The following ARSB variants were observed in gnomAD, a reference collection of about 807,000 sequenced individuals.
ARSB encodes the protein arylsulfatase B, also known as N-acetylgalactosamine-4-sulfatase.
Under a neutral mutation model 50.9 loss-of-function variants are expected in ARSB, and 41 were observed. The observed-to-expected ratio is 0.81, with a 90% confidence interval of 0.63 to 1.04. ARSB has a LOEUF of 1.04. Ranked by LOEUF, ARSB falls within the 50% of genes least tolerant of loss-of-function variation. The pLI is 0.00. For missense variants in ARSB, 672 were observed against 693.3 expected, an observed-to-expected ratio of 0.97 and a Z score of 0.35; for synonymous variants, 269 against 284.8, an observed-to-expected ratio of 0.94 and a Z score of 0.56.
chr5:78,780,615 T>C lies in ARSB; in HGVS notation c.1384A>G (p.Ile462Val). Residue 462 changes from isoleucine to valine, a missense_variant, in exon 8 of 8, where the codon ATA becomes GTA. Physicochemically the swap from Ile to Val is conservative, Grantham distance 29. Coordinates refer to ENST00000264914, the MANE Select transcript of ARSB (RefSeq NM_000046.5). Reference sequence around the variant, plus strand: ...TTGGTTGGTGGGTCTGATGAGGGTATCTCAGAAACATTGTATTGAGACGGT... The same window carrying C: ...TTGGTTGGTGGGTCTGATGAGGGTACCTCAGAAACATTGTATTGAGACGGT... ...PPPSQYNVSE[I>V]PSSDPPTKTL... is the part of the protein sequence containing the mutation. The C allele has an allele frequency of 6.2e-7, 1 of 1,614,130 alleles. No homozygotes were observed. The highest frequency in any genetic ancestry group is 1.7e-5 in the Admixed American group (1 of 60,006).
intron 4 of ARSB, among the ~76,000 whole-genome samples, chr5:78,901,522 G>C (rs1748804093): frequency 6.6e-6 from 1 of 151,988 alleles, no homozygotes; most frequent in African/African-American, 2.4e-5. Context: ...TTTTTAGCAA[G>C]GGTGCCAAAC....
intron 4 of ARSB, among the ~76,000 whole-genome samples, chr5:78,913,063 T>C (rs1176793450): frequency 4.0e-5 from 6 of 151,654 alleles, no homozygotes; most frequent in Non-Finnish European, 8.8e-5. Flanking sequence ...ACCAGTCCTA[T>C]CCCTAACAGC....
At chr5:78,783,038 G>A (rs1475149766) in intron 6 of ARSB, among the ~76,000 whole-genome samples, 2 of 152,080 alleles carry the variant, frequency 1.3e-5, no homozygotes, top group East Asian at 3.9e-4. Flanking sequence ...GACCCTGGTG[G>A]GTCCACAAGG....
intron 6 of ARSB, among the ~76,000 whole-genome samples, chr5:78,792,057 C>G (rs1749251360): frequency 1.3e-5 from 2 of 151,950 alleles, no homozygotes; most frequent in Admixed American, 1.3e-4. Context: ...TGCAAGAAAA[C>G]TCATAATGTT....
rs544052927 is a variant in ARSB, at chr5:78,788,316, C to T, written c.1214-6342G>A. ...GACTGATGAAATATGTTACATAATACGTAGTAAACTTACAGCACTCCTTAT... is the reference window on the plus strand; with the variant it reads ...GACTGATGAAATATGTTACATAATATGTAGTAAACTTACAGCACTCCTTAT... On this transcript the variant is annotated intron_variant, in intron 6 of 7. Transcript: ENST00000264914. 1.3e-4 allele frequency among the ~76,000 whole-genome samples: 20 copies of T among 152,264 alleles called. No homozygotes were observed. The East Asian group carries it at 2.1e-3, about 16-fold the overall frequency.
intron 5 of ARSB, among the ~76,000 whole-genome samples, chr5:78,874,406 T>G (rs2112167122): frequency 6.6e-6 from 1 of 152,266 alleles, no homozygotes; most frequent in African/African-American, 2.4e-5. Context: ...GAATGAAAAG[T>G]TACATAAGTT....
intron 5 of ARSB, among the ~76,000 whole-genome samples, chr5:78,854,981 C>T (rs1197615472): frequency 6.6e-6 from 1 of 152,046 alleles, no homozygotes; most frequent in Non-Finnish European, 1.5e-5. Context: ...TTATTTGGGC[C>T]CTGGAAGACA....
intron 4 of ARSB, among the ~76,000 whole-genome samples, chr5:78,895,517 A>C (rs944790168): frequency 2.0e-5 from 3 of 152,246 alleles, no homozygotes; most frequent in African/African-American, 7.2e-5. Context: ...CTACAGCAAT[A>C]CAATGTGCCT....
intron 1 of ARSB, 130 bp downstream of exon 1, chr5:78,984,807 G>C: frequency 1.5e-6 from 1 of 674,530 alleles, no homozygotes; most frequent in Non-Finnish European, 2.0e-6. Context: ...GAAGCCGCCG[G>C]GACCCATAAC....
chr5:78,858,679 C>T (rs933517584), intron 5 of ARSB, among the ~76,000 whole-genome samples: 7 of 152,190 alleles, frequency 4.6e-5, no homozygotes, highest in Non-Finnish European at 8.8e-5. Flanking sequence ...AATGACAATA[C>T]TTTCTGAGAA....
At chr5:78,932,706 T>C (rs959729249) in intron 4 of ARSB, among the ~76,000 whole-genome samples, 6 of 152,232 alleles carry the variant, frequency 3.9e-5, no homozygotes, top group Non-Finnish European at 7.3e-5. Context: ...TTGGGGATAA[T>C]AGTAGTACCT....
At chr5:78,976,381 A>G (rs1197813389) in intron 1 of ARSB, among the ~76,000 whole-genome samples, 1 of 136,676 alleles carries the variant, frequency 7.3e-6, no homozygotes, top group Non-Finnish European at 1.5e-5. Flanking sequence ...CTGCCTCCCC[A>G]GGCTCAAGCG....
intron 6 of ARSB, among the ~76,000 whole-genome samples, chr5:78,833,373 A>G (rs925375948): frequency 6.6e-5 from 10 of 152,228 alleles, no homozygotes; most frequent in Non-Finnish European, 1.5e-4. Flanking sequence ...GGAATAAATA[A>G]TTCTTAGGAG....
At chr5:78,813,944 G>A (rs2112662543) in intron 6 of ARSB, among the ~76,000 whole-genome samples, 1 of 152,212 alleles carries the variant, frequency 6.6e-6, no homozygotes, top group African/African-American at 2.4e-5. Flanking sequence ...TTGTTTGAGT[G>A]AAAGAAAAAG....
intron 5 of ARSB, among the ~76,000 whole-genome samples, chr5:78,850,112 G>C (rs1169555941): frequency 6.6e-6 from 1 of 151,804 alleles, no homozygotes; most frequent in Non-Finnish European, 1.5e-5. Context: ...AATAGGAGTG[G>C]TGAGAGAGGG....
chr5:78,978,702 T>C (rs1752772861), intron 1 of ARSB, among the ~76,000 whole-genome samples: 1 of 152,228 alleles, frequency 6.6e-6, no homozygotes, highest in African/African-American at 2.4e-5. Context: ...CATACGTCTA[T>C]GGTCAATTGA....
chr5:78,920,743 T>C (rs1009972355), intron 4 of ARSB, among the ~76,000 whole-genome samples: 105 of 152,236 alleles, frequency 6.9e-4, no homozygotes, highest in African/African-American at 2.4e-3. Context: ...CAGCTCCTCA[T>C]AGATCACCAT....
At chr5:78,956,111 T>A (rs941436800) in intron 3 of ARSB, among the ~76,000 whole-genome samples, 1 of 151,494 alleles carries the variant, frequency 6.6e-6, no homozygotes, top group Non-Finnish European at 1.5e-5. Context: ...AGCCAAAGAG[T>A]AGAAACAACC....
At chr5:78,867,614 G>C (rs1391953440) in intron 5 of ARSB, among the ~76,000 whole-genome samples, 1 of 152,120 alleles carries the variant, frequency 6.6e-6, no homozygotes, top group African/African-American at 2.4e-5. Flanking sequence ...GGTCCTGTCT[G>C]TTAGAAGGAA....
Sources: gnomAD v4.1 joint callset for allele counts (sites outside exome capture counted in the v4.1 genomes callset) on GRCh38, gnomAD v4.1.1 for gene constraint, MANE v1.5 for transcripts, NCBI Gene and HGNC (gene_info 2026-07-23, HGNC 2026-07-21) for gene names.